Variants in SGCD observed in about 807,000 individuals in gnomAD.
The protein encoded by SGCD is delta-sarcoglycan.
A neutral mutation model predicts 36.6 loss-of-function variants in SGCD; 18 were observed. The observed-to-expected ratio is 0.49, with a 90% CI of 0.34 to 0.73. SGCD has a LOEUF of 0.73. Ranked by LOEUF, SGCD falls within the 30% of genes least tolerant of loss-of-function variation. The pLI is 0.01. For synonymous variants in SGCD, 133 were observed against 130.6 expected (o/e 1.02, Z -0.12); for missense variants, 387 against 346.7 (o/e 1.12, Z -0.92).
intron 7 of SGCD, among the ~76,000 whole-genome samples, chr5:156,669,673 A>G (rs1753208318): frequency 6.6e-6 from 1 of 152,224 alleles, no homozygotes; most frequent in Non-Finnish European, 1.5e-5. Context: ...TTTAAAGGCC[A>G]TAATTCTTCT....
chr5:156,480,790 C>T (rs938147453), intron 3 of SGCD, among the ~76,000 whole-genome samples: 1 of 152,164 alleles, frequency 6.6e-6, no homozygotes, highest in African/African-American at 2.4e-5. Flanking sequence ...CTCTAGAAAA[C>T]TCTAAAAGCT....
At chr5:156,729,154 G>A (rs1183927501) in intron 7 of SGCD, among the ~76,000 whole-genome samples, 7 of 152,196 alleles carry the variant, frequency 4.6e-5, no homozygotes, top group Non-Finnish European at 8.8e-5. Flanking sequence ...TAGAGAATTT[G>A]CTTTGCATCA....
At chr5:156,425,208 T>G (rs1408186232) in intron 3 of SGCD, among the ~76,000 whole-genome samples, 1 of 152,020 alleles carries the variant, frequency 6.6e-6, no homozygotes, top group Non-Finnish European at 1.5e-5. Context: ...AAGCTGGTAA[T>G]TATGTTTTCA....
intron 1 of SGCD, among the ~76,000 whole-genome samples, chr5:156,049,047 A>G (rs1759848660): frequency 6.8e-6 from 1 of 146,684 alleles, no homozygotes; most frequent in Admixed American, 6.8e-5. Context: ...ACATATGGCT[A>G]GCCAGTTTTC....
intron 3 of SGCD, among the ~76,000 whole-genome samples, chr5:156,359,132 G>T (rs1392475444): frequency 1.3e-5 from 2 of 152,206 alleles, no homozygotes; most frequent in Non-Finnish European, 2.9e-5. Flanking sequence ...CCTCACCTGT[G>T]AGGATAGAAT....
At chr5:156,141,429 T>A (rs1223253120) in intron 3 of SGCD, among the ~76,000 whole-genome samples, 1 of 152,166 alleles carries the variant, frequency 6.6e-6, no homozygotes, top group Non-Finnish European at 1.5e-5. Context: ...TGAGAACTGA[T>A]ATGTGGGCTG....
At chr5:156,388,006 G>A (rs989834661) in intron 3 of SGCD, among the ~76,000 whole-genome samples, 1 of 152,168 alleles carries the variant, frequency 6.6e-6, no homozygotes, top group Non-Finnish European at 1.5e-5. Context: ...AGACTCAATA[G>A]GTATGAAGCT....
chr5:156,168,875 C>T (rs908353063), intron 3 of SGCD, among the ~76,000 whole-genome samples: 1 of 152,196 alleles, frequency 6.6e-6, no homozygotes, highest in Non-Finnish European at 1.5e-5. Flanking sequence ...AATAAACACA[C>T]ATGCGCCATG....
intron 7 of SGCD, among the ~76,000 whole-genome samples, chr5:156,723,821 G>C (rs570288973): frequency 1.3e-5 from 2 of 151,384 alleles, no homozygotes; most frequent in Admixed American, 1.3e-4. Context: ...CTGATGAGCA[G>C]TGAGAGTCCA....
chr5:155,932,342 T>C (rs1219275133), intron 1 of SGCD, among the ~76,000 whole-genome samples: 1 of 152,212 alleles, frequency 6.6e-6, no homozygotes, highest in African/African-American at 2.4e-5. Context: ...TTTCTTGAGC[T>C]TGGATACACT....
intron 3 of SGCD, among the ~76,000 whole-genome samples, chr5:156,157,303 A>G (rs968974702): frequency 6.6e-6 from 1 of 151,762 alleles, no homozygotes; most frequent in Non-Finnish European, 1.5e-5. Context: ...GGGCATGAGT[A>G]TTACTTTCAC....
intron 3 of SGCD, among the ~76,000 whole-genome samples, chr5:156,224,255 C>T (rs1200171617): frequency 6.6e-6 from 1 of 151,928 alleles, no homozygotes; most frequent in Admixed American, 6.6e-5. Flanking sequence ...TTCTCTCAGA[C>T]CCAGAGCCCA....
intron 6 of SGCD, among the ~76,000 whole-genome samples, chr5:156,610,378 G>A (rs1250216972): frequency 1.3e-5 from 2 of 152,180 alleles, no homozygotes; most frequent in Admixed American, 6.5e-5. Flanking sequence ...AACAGCAAGT[G>A]TTGCTGCCTG....
intron 3 of SGCD, among the ~76,000 whole-genome samples, chr5:156,473,968 G>GTT (rs113602671): frequency 1.1e-3 from 156 of 144,230 alleles, no homozygotes; most frequent in Non-Finnish European, 1.9e-3. Flanking sequence ...TTGTGTGTGG[G>GTT]TTTTTTTTTT....
intron 4 of SGCD, among the ~76,000 whole-genome samples, chr5:156,511,369 T>G (rs1464374995): frequency 6.6e-6 from 1 of 152,230 alleles, no homozygotes; most frequent in Non-Finnish European, 1.5e-5. Flanking sequence ...TGTTCTCACC[T>G]GCACCATTGC....
At chr5:156,047,861 T>C (rs537138624) in intron 1 of SGCD, among the ~76,000 whole-genome samples, 1 of 152,152 alleles carries the variant, frequency 6.6e-6, no homozygotes, top group Admixed American at 6.5e-5. Context: ...TTAGGGTACA[T>C]GTGCACAATG....
chr5:155,996,445 T>G (rs543951284), intron 1 of SGCD, among the ~76,000 whole-genome samples: 3 of 152,142 alleles, frequency 2.0e-5, no homozygotes, highest in Non-Finnish European at 4.4e-5. Flanking sequence ...TCTTAATACT[T>G]AATAGGTTGA....
chr5:155,954,393 A>T (rs1757605361), intron 1 of SGCD, among the ~76,000 whole-genome samples: 1 of 152,178 alleles, frequency 6.6e-6, no homozygotes, highest in Non-Finnish European at 1.5e-5. Context: ...CGGAGTGTGC[A>T]GTAGCTAAAC....
intron 1 of SGCD, among the ~76,000 whole-genome samples, chr5:156,060,701 G>T (rs1237292679): frequency 6.9e-6 from 1 of 145,952 alleles, no homozygotes; most frequent in East Asian, 1.9e-4. Flanking sequence ...GTGGATTCAA[G>T]TTTAGCCTAA....
Sources: allele counts gnomAD v4.1 joint callset (sites outside exome capture counted in the v4.1 genomes callset), GRCh38; gene constraint gnomAD v4.1.1; transcripts MANE v1.5; gene names NCBI Gene and HGNC (gene_info 2026-07-23, HGNC 2026-07-21).